ZGRF1: variants seen among roughly 807,000 people sequenced by gnomAD.
ZGRF1 encodes zinc finger GRF-type containing 1.
A neutral mutation model predicts 203.5 loss-of-function variants in ZGRF1; 196 were observed. That is an observed-to-expected ratio of 0.96 (90% CI 0.86 to 1.08). The LOEUF is 1.08. ZGRF1 is among the 50% of genes least tolerant of loss of function. The pLI, the probability that ZGRF1 is intolerant of heterozygous loss-of-function variation, is 0.00. For missense variants in ZGRF1, 2,326 were observed against 2,416.3 expected, an observed-to-expected ratio of 0.96 and a Z score of 0.78; for synonymous variants, 809 against 841.3, an observed-to-expected ratio of 0.96 and a Z score of 0.66.
chr4:112,634,638 C>T (rs2047520924), intron 1 of ZGRF1, among the ~76,000 whole-genome samples: 1 of 147,050 alleles, frequency 6.8e-6, no homozygotes. Flanking sequence ...GCGACAAGAG[C>T]AAAACTGTCT....
At chr4:112,565,207 G>C (rs535830772) in intron 16 of ZGRF1, 61 of 1,586,496 alleles carry the variant, frequency 3.8e-5, no homozygotes, top group Admixed American at 1.3e-4. Flanking sequence ...TCTGGTGCGA[G>C]AAATTGCTCA....
chr4:112,608,557 T>C (rs1383973462), intron 8 of ZGRF1, among the ~76,000 whole-genome samples: 2 of 150,684 alleles, frequency 1.3e-5, no homozygotes, highest in East Asian at 3.9e-4. Flanking sequence ...GAGGCGGAGG[T>C]TGCGGTGAGC....
At chr4:112,609,291 G>A in intron 8 of ZGRF1, 88 bp downstream of exon 8, 2 of 504,742 alleles carry the variant, frequency 4.0e-6, no homozygotes. Flanking sequence ...CTGACCTTGT[G>A]ATCCACCCGC....
chr4:112,582,035 C>T (rs911415675), intron 15 of ZGRF1, among the ~76,000 whole-genome samples: 1 of 152,022 alleles, frequency 6.6e-6, no homozygotes, highest in Admixed American at 6.6e-5. Flanking sequence ...TAGAACACCT[C>T]GTGTGCTTTT....
intron 10 of ZGRF1, among the ~76,000 whole-genome samples, chr4:112,597,397 A>G (rs1749208434): frequency 1.3e-5 from 2 of 151,420 alleles, no homozygotes; most frequent in South Asian, 4.2e-4. Flanking sequence ...GGTGGTGTGC[A>G]TCTGTAATCC....
At chr4:112,604,842 A>G (rs1750535280) in intron 9 of ZGRF1, among the ~76,000 whole-genome samples, 1 of 152,208 alleles carries the variant, frequency 6.6e-6, no homozygotes, top group Non-Finnish European at 1.5e-5. Context: ...CTTACCCAAA[A>G]TGTGGAAAAA....
At chr4:112,599,672 G>A (rs1749623781) in intron 10 of ZGRF1, among the ~76,000 whole-genome samples, 1 of 151,916 alleles carries the variant, frequency 6.6e-6, no homozygotes, top group South Asian at 2.1e-4. Flanking sequence ...CAATGAGCCT[G>A]TATAATGCCA....
intron 16 of ZGRF1, chr4:112,565,319 G>GTGC (rs1742832750): frequency 7.0e-7 from 1 of 1,438,636 alleles, no homozygotes; most frequent in Admixed American, 1.7e-5. Context: ...ACCAACCTGT[G>GTGC]TGCTATCCAT....
chr4:112,561,800 C>A (rs1213867032), intron 18 of ZGRF1, among the ~76,000 whole-genome samples: 1 of 150,690 alleles, frequency 6.6e-6, no homozygotes, highest in Non-Finnish European at 1.5e-5. Context: ...AAAATAAAAT[C>A]AATACTGAAA....
Position 112,619,768 on chromosome 4 carries a change from A to C in ZGRF1, c.352-78T>G, listed in dbSNP as rs1336909132. 4.2e-6 allele frequency: 5 copies of C among 1,195,972 alleles called. No individual in the cohort carries two copies. In the African/African-American group the frequency reaches 7.7e-5, roughly 18 times the overall value. The allele number at this position is 1,195,972 out of a possible 1,614,324, so 74.1% of individuals were successfully genotyped here. ...GAAATGAACTGGCTAAGAAAAAAAA[A>C]GGAGAAGGATTGTTTCTGGTTTGCC... On this transcript the variant is annotated intron_variant, in intron 5 of 27. Coordinates refer to ENST00000505019, the MANE Select transcript of ZGRF1 (RefSeq NM_018392.5).
In ZGRF1 at chr4:112,563,019, C is replaced by T. The variant is rs1029943098; in HGVS notation, c.4582+112G>A. ...TACACATTTTCAGGAACTCACTGTA[C>T]ACAACAGTCGAAACTAGAGTTGGGT... On this transcript the variant is annotated intron_variant, in intron 17 of 27. Coordinates refer to ENST00000505019, the MANE Select transcript of ZGRF1 (RefSeq NM_018392.5). The T allele has an allele frequency of 8.6e-5, 66 of 769,572 alleles. 1 individual carries two copies. In the East Asian group the frequency reaches 1.7e-3, roughly 20 times the overall value. 47.7% of individuals were successfully genotyped at this position (769,572 alleles called of 1,614,324 possible).
chr4:112,612,437 G>T, intron 7 of ZGRF1, 87 bp downstream of exon 7: 1 of 833,250 alleles, frequency 1.2e-6, no homozygotes, highest in Non-Finnish European at 1.9e-6. Flanking sequence ...AAGATAGCTT[G>T]GGACTGTATT....
intron 6 of ZGRF1, among the ~76,000 whole-genome samples, chr4:112,614,406 C>T (rs866444025): frequency 2.0e-5 from 3 of 152,156 alleles, no homozygotes; most frequent in East Asian, 3.9e-4. Flanking sequence ...TTGCCTGAAG[C>T]GCATGTTCTC....
rs114481001 is a variant in ZGRF1 at position 112,582,500 on chromosome 4, G to A, written c.4299-698C>T. Among the ~76,000 whole-genome samples the A allele has an allele frequency of 6.3e-3, 963 of 152,002 alleles. 17 individuals carry two copies. Among genetic ancestry groups the A allele is most frequent in the African/African-American group, 0.021 (864 of 41,458 alleles). On this transcript the variant is annotated intron_variant, in intron 15 of 27. Coordinates refer to ENST00000505019, the MANE Select transcript of ZGRF1 (RefSeq NM_018392.5). ...AGAGTCTGGCTTTGTTGCCCAGGCT[G>A]GAAGTGCAGTGGCATGACCTTGGCT...
intron 21 of ZGRF1, 113 bp downstream of exon 21, chr4:112,554,592 G>A (rs1740604755): frequency 1.6e-6 from 1 of 614,592 alleles, no homozygotes; most frequent in Non-Finnish European, 2.9e-6. Context: ...AGTTAACCAA[G>A]TAAAGATAAG....
intron 17 of ZGRF1, 86 bp downstream of exon 17, chr4:112,563,045 C>T (rs1191989998): frequency 2.6e-6 from 3 of 1,135,594 alleles, no homozygotes; most frequent in Non-Finnish European, 2.5e-6. Context: ...AGAGTTGGGT[C>T]CTTTTTGTTG....
chr4:112,584,270 G>T (rs1578360395), intron 14 of ZGRF1, 96 bp from the exon 15 acceptor site: 2 of 691,160 alleles, frequency 2.9e-6, no homozygotes, highest in South Asian at 2.7e-5. Flanking sequence ...AAGACTGCTT[G>T]GCATTACTGT....
At chr4:112,563,322 GT>G (rs1742364913) in intron 16 of ZGRF1, 48 bp from the exon 17 acceptor site, 1 of 1,390,374 alleles carries the variant, frequency 7.2e-7, no homozygotes, top group South Asian at 1.4e-5. Context: ...ATACAGTATG[GT>G]TTTATATTTT....
chr4:112,554,356 C>A (rs1312726414), intron 21 of ZGRF1, among the ~76,000 whole-genome samples: 1 of 151,924 alleles, frequency 6.6e-6, no homozygotes. Flanking sequence ...GGTATATACC[C>A]AAAGGATTAT....
Sources: allele counts gnomAD v4.1 joint callset (sites outside exome capture counted in the v4.1 genomes callset), GRCh38; gene constraint gnomAD v4.1.1; transcripts MANE v1.5; gene names NCBI Gene and HGNC (gene_info 2026-07-23, HGNC 2026-07-21).